ADGRF5: variants seen among roughly 807,000 people sequenced by gnomAD.
ADGRF5 encodes G-protein coupled receptor 116.
Under a neutral mutation model 132.3 loss-of-function variants are expected in ADGRF5, and 75 were observed. That is an observed-to-expected ratio of 0.57 (90% confidence interval 0.47 to 0.69). ADGRF5 has a LOEUF of 0.69. Ranked by LOEUF, ADGRF5 falls within the 30% of genes least tolerant of loss-of-function variation. The pLI, the probability that ADGRF5 is intolerant of heterozygous loss-of-function variation, is 0.00. For synonymous variants in ADGRF5, 629 were observed against 597.6 expected, an observed-to-expected ratio of 1.05 and a Z score of -0.77; for missense variants, 1,516 against 1,630.6, an observed-to-expected ratio of 0.93 and a Z score of 1.21.
Position 46,878,271 on chromosome 6 carries a change from A to C in ADGRF5, c.1171T>G (p.Cys391Gly). ...MCDNNPVSLN[C>G]CSQGNVNWSK... ...CAATTAACATTACCCTGACTGCAGC[A>C]GTTCAAAGATACAGGATTGTTGTCG... The change falls in exon 10 of 21, where the codon TGC becomes GGC. Residue 391 changes from cysteine (C) to glycine (G), a missense_variant. By Grantham distance (159) the Cys-to-Gly change is radical. Coordinates refer to ENST00000283296, the MANE Select transcript of ADGRF5 (RefSeq NM_001098518.2). 1 of 1,613,920 alleles carries C rather than the reference A, an allele frequency of 6.2e-7. No individual in the cohort carries two copies.
chr6:46,953,651 G>GTGTATA lies in ADGRF5; in HGVS notation c.-25+1082_-25+1083insTATACA, dbSNP rs1373212107. 9.2e-3 allele frequency among the ~76,000 whole-genome samples: 389 copies of GTGTATA among 42,164 alleles called. 5 individuals carry two copies. Among genetic ancestry groups the GTGTATA allele is most frequent in the African/African-American group, 0.021 (305 of 14,254 alleles). 27.7% of individuals were successfully genotyped at this position (42,164 alleles called of 152,430 possible). A position where few individuals can be genotyped will look rare whatever the true frequency, so the allele number is the denominator to read the frequency against. On this transcript the variant is annotated intron_variant, in intron 1 of 20. Coordinates refer to the ADGRF5 transcript ENST00000265417. The stretch of plus-strand genomic sequence containing the variant: ...AAATTATATATATATAGATATATGT[G>GTGTATA]TATATATATATATATATATATATAT...
intron 1 of ADGRF5, among the ~76,000 whole-genome samples, chr6:46,916,277 T>C (rs957215278): frequency 2.6e-5 from 4 of 152,230 alleles, no homozygotes; most frequent in African/African-American, 9.6e-5. Flanking sequence ...TTTTCAACTA[T>C]ACTCTTTCCA....
chr6:46,889,186 CATATAT>C (rs5875989), intron 3 of ADGRF5, among the ~76,000 whole-genome samples: 7 of 143,074 alleles, frequency 4.9e-5, no homozygotes, highest in African/African-American at 1.8e-4. Flanking sequence ...TATGTGTATA[CATATAT>C]ATATATATAT....
At position 46,864,107 on chromosome 6, in the gene ADGRF5, T is replaced by C. The variant is rs116680497; in HGVS notation, c.1990+935A>G. On this transcript the variant is annotated intron_variant, in intron 14 of 20. Coordinates refer to ENST00000283296, the MANE Select transcript of ADGRF5 (RefSeq NM_001098518.2). The stretch of plus-strand genomic sequence containing the variant: ...AGATTTAAGAGGATGAGGAGTTGCT[T>C]ATGGTAGAAGCCCAGGGTCATCATT... 7.2e-3 allele frequency among the ~76,000 whole-genome samples: 1,093 copies of C among 152,310 alleles called. 13 individuals are homozygous for C. Among genetic ancestry groups the C allele is most frequent in the African/African-American group, 0.023 (971 of 41,560 alleles).
At chr6:46,905,614 G>A (rs185038248) in intron 2 of ADGRF5, among the ~76,000 whole-genome samples, 4 of 151,554 alleles carry the variant, frequency 2.6e-5, no homozygotes, top group African/African-American at 4.8e-5. Context: ...GACAAAAATC[G>A]GGCAAACACA....
At chr6:46,892,834 G>C (rs142606790) in intron 3 of ADGRF5, among the ~76,000 whole-genome samples, 1 of 152,090 alleles carries the variant, frequency 6.6e-6, no homozygotes, top group Non-Finnish European at 1.5e-5. Context: ...GATATTAAGC[G>C]TTGCTCCGCT....
intron 1 of ADGRF5, among the ~76,000 whole-genome samples, chr6:46,940,069 G>A (rs780497972): frequency 7.2e-5 from 11 of 151,918 alleles, no homozygotes; most frequent in African/African-American, 1.2e-4. Flanking sequence ...ACCAAACACC[G>A]ATTGAAAAAT....
At chr6:46,947,003 G>T (rs535232395) in intron 1 of ADGRF5, among the ~76,000 whole-genome samples, 2 of 152,150 alleles carry the variant, frequency 1.3e-5, no homozygotes, top group African/African-American at 4.8e-5. Context: ...TGGCTTCTTT[G>T]CACTCTCATT....
At chr6:46,860,694 G>A (rs1251056944) in intron 16 of ADGRF5, 21 bp downstream of exon 16, 7 of 1,593,650 alleles carry the variant, frequency 4.4e-6, no homozygotes, top group Non-Finnish European at 6.0e-6. Flanking sequence ...CAAAACTCCT[G>A]CAAAGGTTAA....
At chr6:46,882,722 A>G (rs1772615922) in intron 6 of ADGRF5, among the ~76,000 whole-genome samples, 1 of 152,210 alleles carries the variant, frequency 6.6e-6, no homozygotes, top group African/African-American at 2.4e-5. Context: ...TGTGTGTGTG[A>G]GGAGGGTTCT....
chr6:46,871,922 T>A lies in ADGRF5; in HGVS notation c.1332A>T (p.Thr444=). The A allele has an allele frequency of 1.9e-6, 3 of 1,612,778 alleles. No homozygotes were observed. The highest frequency in any genetic ancestry group is 2.5e-6 in the Non-Finnish European group (3 of 1,179,176). The change falls in exon 11 of 21, where the codon ACA becomes ACT. Residue 444 remains threonine (T), a synonymous_variant. Transcript: ENST00000283296. The part of the protein sequence containing the change: ...TQCPSGSSGT[T]VIYTCEFISA... ...TGATGAACTCACAAGTGTAGATGAC[T>A]GTTGTTCCAGACGACCCGCTTGGGC...
intron 1 of ADGRF5, among the ~76,000 whole-genome samples, chr6:46,937,253 A>AGT (rs1172517306): frequency 3.6e-5 from 4 of 112,550 alleles, no homozygotes; most frequent in African/African-American, 3.8e-5. Flanking sequence ...TGTGTGTGTG[A>AGT]GTGTGTGTGT....
chr6:46,897,839 G>T (rs1774345631), intron 3 of ADGRF5, among the ~76,000 whole-genome samples: 2 of 152,128 alleles, frequency 1.3e-5, no homozygotes, highest in South Asian at 4.1e-4. Flanking sequence ...CCACCACGCT[G>T]AGTCATGTTC....
chr6:46,929,638 G>C (rs1777457059), intron 1 of ADGRF5, among the ~76,000 whole-genome samples: 1 of 151,654 alleles, frequency 6.6e-6, no homozygotes, highest in African/African-American at 2.4e-5. Flanking sequence ...CTAAGATGAA[G>C]TAGTGATTTC....
intron 2 of ADGRF5, among the ~76,000 whole-genome samples, chr6:46,901,781 C>T (rs1037697606): frequency 6.6e-6 from 1 of 152,086 alleles, no homozygotes; most frequent in Admixed American, 6.5e-5. Flanking sequence ...CCGTTTCTCT[C>T]GGTGTCTGTA....
chr6:46,878,543 G>A (rs770316275), intron 9 of ADGRF5, 138 bp from the exon 10 acceptor site: 72 of 619,388 alleles, frequency 1.2e-4, no homozygotes, highest in Middle Eastern at 8.6e-4. Context: ...GTCTAAAGAC[G>A]CCTAAAAAAC....
intron 1 of ADGRF5, among the ~76,000 whole-genome samples, chr6:46,928,737 T>TA (rs1476471223): frequency 6.6e-6 from 1 of 152,134 alleles, no homozygotes; most frequent in Non-Finnish European, 1.5e-5. Context: ...CAAGGAGGAC[T>TA]AAAATGCTCA....
At chr6:46,855,946 C>G (rs777700651) in intron 20 of ADGRF5, 28 bp downstream of exon 20, 2 of 1,308,208 alleles carry the variant, frequency 1.5e-6, no homozygotes, top group African/African-American at 2.9e-5. Context: ...TCTGGACAAG[C>G]AGGGAGAAAC....
Position 46,881,630 on chromosome 6 carries a change from T to C in ADGRF5, c.672-33A>G, listed in dbSNP as rs114536794. 1,674 of 1,601,222 alleles carry C rather than the reference T, an allele frequency of 1.0e-3. 13 individuals carry two copies. The African/African-American group carries it at 0.017, about 17-fold the overall frequency. On this transcript the variant is annotated intron_variant, in intron 7 of 20. Transcript: ENST00000283296. ...GAGACCACTCAGTTCAGTAAAACAA[T>C]AACTGACCTGGAAGAGTCTAGATAT...
Sources: allele counts gnomAD v4.1 joint callset (sites outside exome capture counted in the v4.1 genomes callset), GRCh38; gene constraint gnomAD v4.1.1; transcripts MANE v1.5; gene names NCBI Gene and HGNC (gene_info 2026-07-23, HGNC 2026-07-21).